The following GPC4 variants were observed in gnomAD, a reference collection of about 807,000 sequenced individuals.
GPC4 encodes glypican 4, also known as glypican-4.
A neutral mutation model predicts 35.0 loss-of-function variants in GPC4; 10 were observed. The ratio of observed to expected loss-of-function variants is 0.29; its 90% CI spans 0.18 to 0.48. GPC4 has a LOEUF of 0.48. GPC4 is among the 20% of genes least tolerant of loss of function. The pLI, the probability that GPC4 is intolerant of heterozygous loss-of-function variation, is 0.99. For synonymous variants in GPC4, 167 were observed against 170.2 expected, an observed-to-expected ratio of 0.98 and a Z score of 0.15; for missense variants, 322 against 451.3, an observed-to-expected ratio of 0.71 and a Z score of 2.60.
At chrX:133,413,877 G>A (rs1388709496) in intron 1 of GPC4, among the ~76,000 whole-genome samples, 1 of 111,201 alleles carries the variant, frequency 9.0e-6, no homozygotes, top group Non-Finnish European at 1.9e-5. Flanking sequence ...CCAGCGCTCC[G>A]AGAGGGGCTT....
intron 1 of GPC4, among the ~76,000 whole-genome samples, chrX:133,354,568 A>ATTTTTTTTTTT (rs77166014): frequency 1.1e-5 from 1 of 95,206 alleles, no homozygotes; most frequent in African/African-American, 4.2e-5. Flanking sequence ...TTATTTATTT[A>ATTTTTTTTTTT]TTTTTTTTTT....
chrX:133,414,047 A>G (rs906217977), intron 1 of GPC4, among the ~76,000 whole-genome samples: 1 of 111,489 alleles, frequency 9.0e-6, no homozygotes, highest in African/African-American at 3.3e-5. Flanking sequence ...TGAAAGTGCA[A>G]TTAACCCTTA....
intron 1 of GPC4, among the ~76,000 whole-genome samples, chrX:133,401,872 A>T (rs2068768804): frequency 8.9e-6 from 1 of 112,157 alleles, no homozygotes; most frequent in Admixed American, 9.5e-5. Context: ...AACACAAAGA[A>T]CTAATCCTTA....
chrX:133,410,544 A>G, intron 1 of GPC4, among the ~76,000 whole-genome samples: 1 of 112,031 alleles, frequency 8.9e-6, no homozygotes, highest in South Asian at 3.7e-4. Flanking sequence ...ATAAATAAGA[A>G]AAAAACCTCA....
At chrX:133,329,735 G>A (rs1171265976) in intron 2 of GPC4, among the ~76,000 whole-genome samples, 1 of 111,613 alleles carries the variant, frequency 9.0e-6, no homozygotes, top group Non-Finnish European at 1.9e-5. Flanking sequence ...TTTGCCAGAA[G>A]TCCACTTGGT....
At position 133,302,940 on chromosome X, in the gene GPC4, C is replaced by T. The variant is rs148166792; in HGVS notation, c.1598G>A (p.Arg533His). 4.1e-5 allele frequency: 50 copies of T among 1,209,879 alleles called. No homozygotes were observed. In the African/African-American group the frequency reaches 6.1e-4, roughly 15 times the overall value. ...GAGGAGGTAGGCCTGTGCCCCAGGA[C>T]GGACACCAGCACTGTCGGCTTTCTC... ...ANEKADSAGV[R>H]PGAQAYLLTV... Residue 533 changes from arginine (R) to histidine (H), a missense_variant, in exon 9 of 9, where the codon CGT becomes CAT. By Grantham distance (29) the Arg-to-His change is conservative (BLOSUM62 0). Transcript: ENST00000370828.
chrX:133,313,669 G>C (rs1023483871), intron 3 of GPC4, among the ~76,000 whole-genome samples: 11 of 111,899 alleles, frequency 9.8e-5, no homozygotes, highest in African/African-American at 3.6e-4. Flanking sequence ...AGATCACTGA[G>C]TGTTGCTCTC....
chrX:133,366,286 A>G (rs1181018177), intron 1 of GPC4, among the ~76,000 whole-genome samples: 3 of 112,386 alleles, frequency 2.7e-5, no homozygotes, highest in Middle Eastern at 4.2e-3. Flanking sequence ...TATGGATCTT[A>G]GAGATATTTC....
At chrX:133,360,543 A>AAAG (rs757290861) in intron 1 of GPC4, among the ~76,000 whole-genome samples, 18 of 111,108 alleles carry the variant, frequency 1.6e-4, no homozygotes, top group Middle Eastern at 4.7e-3. Flanking sequence ...CGAAAAAAAA[A>AAAG]AAGAAGAAGA....
intron 1 of GPC4, among the ~76,000 whole-genome samples, chrX:133,378,577 A>C (rs2068646603): frequency 1.9e-5 from 2 of 104,082 alleles, no homozygotes; most frequent in Non-Finnish European, 3.9e-5. Flanking sequence ...CTCCATTTCA[A>C]AAAAAAAAAA....
chrX:133,381,122 A>G (rs1183040720), intron 1 of GPC4, among the ~76,000 whole-genome samples: 2 of 111,704 alleles, frequency 1.8e-5, no homozygotes, highest in Non-Finnish European at 3.8e-5. Flanking sequence ...CAGGTGATAA[A>G]AGAACCGGGG....
At chrX:133,387,180 A>T (rs1279725050) in intron 1 of GPC4, among the ~76,000 whole-genome samples, 1 of 112,442 alleles carries the variant, frequency 8.9e-6, no homozygotes, top group African/African-American at 3.2e-5. Context: ...TCACAAGAGC[A>T]AAGTGGCTTT....
intron 4 of GPC4, 135 bp downstream of exon 4, chrX:133,311,123 C>T (rs1603057341): frequency 3.5e-6 from 2 of 575,883 alleles, no homozygotes; most frequent in East Asian, 3.4e-5. Context: ...AGTAGTTGAG[C>T]GTAGTCAGGA....
intron 1 of GPC4, among the ~76,000 whole-genome samples, chrX:133,351,309 A>G (rs767861520): frequency 9.0e-6 from 1 of 110,840 alleles, no homozygotes; most frequent in Non-Finnish European, 1.9e-5. Context: ...CAGTCCCACA[A>G]TTCCATGGTG....
intron 1 of GPC4, among the ~76,000 whole-genome samples, chrX:133,394,781 C>A (rs762549040): frequency 1.8e-5 from 2 of 111,659 alleles, no homozygotes; most frequent in East Asian, 5.6e-4. Flanking sequence ...TCTAAAGACC[C>A]AAGACAACAC....
At position 133,324,407 on chromosome X, in the gene GPC4, T is replaced by C; in HGVS notation, c.449A>G (p.Tyr150Cys). The change falls in exon 3 of 9, where the codon TAC becomes TGC. Residue 150 changes from tyrosine (Y) to cysteine (C), a missense_variant. Tyr to Cys is a radical substitution (Grantham distance 194, BLOSUM62 -2). Transcript: ENST00000370828. ...TTCCAGGTTCACATTTCCCACCACG[T>C]AGTAACGTTTCAACTCTACGAAGAG... is the stretch of plus-strand genomic sequence containing the variant. ...KDLFVELKRYYVVGNVNLEEM... is the reference protein window; with the variant it reads ...KDLFVELKRYCVVGNVNLEEM... The C allele has an allele frequency of 8.3e-7, 1 of 1,211,784 alleles. No individual in the cohort carries two copies. The highest frequency in any genetic ancestry group is 1.1e-6 in the Non-Finnish European group (1 of 895,488).
chrX:133,398,230 A>G (rs1038040143), intron 1 of GPC4, among the ~76,000 whole-genome samples: 7 of 111,366 alleles, frequency 6.3e-5, no homozygotes, highest in African/African-American at 2.3e-4. Context: ...CAGTCAGTTC[A>G]CTGCATTAAA....
chrX:133,400,429 A>T (rs2068763625), intron 1 of GPC4, among the ~76,000 whole-genome samples: 1 of 112,877 alleles, frequency 8.9e-6, no homozygotes, highest in Non-Finnish European at 1.9e-5. Flanking sequence ...GGAAGTAGTT[A>T]TCACAACTGT....
intron 3 of GPC4, among the ~76,000 whole-genome samples, chrX:133,313,531 G>A (rs181271286): frequency 8.9e-6 from 1 of 111,925 alleles, no homozygotes; most frequent in African/African-American, 3.2e-5. Context: ...TTCCTTTAAA[G>A]TCACAGATTG....
Sources: gnomAD v4.1 joint callset for allele counts (sites outside exome capture counted in the v4.1 genomes callset) on GRCh38, gnomAD v4.1.1 for gene constraint, MANE v1.5 for transcripts, NCBI Gene and HGNC (gene_info 2026-07-23, HGNC 2026-07-21) for gene names.